Variants in AUTS2 observed in about 807,000 individuals in gnomAD.
AUTS2 encodes the protein autism susceptibility gene 2 protein.
Under a neutral mutation model 112.4 loss-of-function variants are expected in AUTS2, and 17 were observed. That is an observed-to-expected ratio of 0.15 (90% CI 0.10 to 0.23). AUTS2 has a LOEUF of 0.23. AUTS2 is among the 10% of genes least tolerant of loss of function. The probability of loss-of-function intolerance (pLI) is 1.00; values close to 1 mark genes in which losing one functional copy is unlikely to be tolerated. For missense variants in AUTS2, 1,510 were observed against 1,701.6 expected (o/e 0.89, Z 1.98); for synonymous variants, 751 against 702.7 (o/e 1.07, Z -1.09).
intron 1 of AUTS2, among the ~76,000 whole-genome samples, chr7:69,728,743 A>G (rs1212900493): frequency 6.8e-6 from 1 of 147,332 alleles, no homozygotes; most frequent in African/African-American, 2.5e-5. Flanking sequence ...GGTTGGAACT[A>G]GTCAGCTGAG....
chr7:70,365,046 GC>G (rs1792503341), intron 4 of AUTS2, among the ~76,000 whole-genome samples: 1 of 152,082 alleles, frequency 6.6e-6, no homozygotes, highest in Admixed American at 6.5e-5. Flanking sequence ...TACTGGGAAA[GC>G]CTATTAACAA....
chr7:70,741,400 G>C (rs1482034965), intron 6 of AUTS2, among the ~76,000 whole-genome samples: 1 of 151,912 alleles, frequency 6.6e-6, no homozygotes, highest in Non-Finnish European at 1.5e-5. Context: ...AAATGGTTAA[G>C]AAATAAATAG....
chr7:70,168,981 G>A (rs1376028547), intron 4 of AUTS2, among the ~76,000 whole-genome samples: 1 of 152,036 alleles, frequency 6.6e-6, no homozygotes, highest in African/African-American at 2.4e-5. Context: ...TGCAGTCCTG[G>A]TAAGCTGTTG....
intron 5 of AUTS2, among the ~76,000 whole-genome samples, chr7:70,517,252 G>A (rs1022076051): frequency 2.6e-5 from 4 of 152,158 alleles, no homozygotes; most frequent in African/African-American, 7.2e-5. Context: ...CAACACTGGG[G>A]AGGTTCTCAA....
chr7:70,163,064 G>A (rs771699903), intron 4 of AUTS2, among the ~76,000 whole-genome samples: 23 of 152,020 alleles, frequency 1.5e-4, no homozygotes, highest in Non-Finnish European at 2.6e-4. Context: ...TCTTGTGACA[G>A]GGAGGGCTGG....
chr7:70,231,834 C>T (rs1313716312), intron 4 of AUTS2, among the ~76,000 whole-genome samples: 3 of 151,564 alleles, frequency 2.0e-5, no homozygotes, highest in Non-Finnish European at 2.9e-5. Context: ...AGTGCAGTGG[C>T]GCGATCTTGG....
At chr7:70,337,970 A>C (rs1791071848) in intron 4 of AUTS2, among the ~76,000 whole-genome samples, 1 of 152,216 alleles carries the variant, frequency 6.6e-6, no homozygotes, top group Middle Eastern at 3.2e-3. Flanking sequence ...TTTAAATACT[A>C]ATTTTACAAA....
intron 1 of AUTS2, among the ~76,000 whole-genome samples, chr7:69,651,910 T>A (rs1402423763): frequency 6.6e-6 from 1 of 152,216 alleles, no homozygotes; most frequent in Non-Finnish European, 1.5e-5. Flanking sequence ...AAGGTTAGTA[T>A]ATATTTGGTC....
chr7:70,554,904 G>C (rs1801184518), intron 5 of AUTS2, among the ~76,000 whole-genome samples: 1 of 152,226 alleles, frequency 6.6e-6, no homozygotes, highest in Non-Finnish European at 1.5e-5. Context: ...TGCCAAGGAG[G>C]CCTGGGTTGA....
chr7:69,690,451 C>T (rs2129178108), intron 1 of AUTS2, among the ~76,000 whole-genome samples: 1 of 152,318 alleles, frequency 6.6e-6, no homozygotes, highest in African/African-American at 2.4e-5. Context: ...TCAGGTTTTG[C>T]TGCCGGCCTG....
chr7:69,902,646 T>A (rs1167548766), intron 2 of AUTS2, among the ~76,000 whole-genome samples: 5 of 152,186 alleles, frequency 3.3e-5, no homozygotes, highest in Non-Finnish European at 5.9e-5. Context: ...TAGGATTTTT[T>A]TTTCTGAGAC....
intron 5 of AUTS2, among the ~76,000 whole-genome samples, chr7:70,495,132 T>C (rs912360263): frequency 6.6e-6 from 1 of 150,446 alleles, no homozygotes; most frequent in Non-Finnish European, 1.5e-5. Flanking sequence ...GTGCCGACCC[T>C]AGTAACAAAA....
At chr7:70,381,020 A>T (rs1008918646) in intron 4 of AUTS2, among the ~76,000 whole-genome samples, 1 of 152,278 alleles carries the variant, frequency 6.6e-6, no homozygotes. Context: ...GGTCAGATTC[A>T]TGATTTCATT....
intron 6 of AUTS2, among the ~76,000 whole-genome samples, chr7:70,726,439 A>G (rs1442097780): frequency 2.0e-5 from 3 of 152,286 alleles, no homozygotes; most frequent in African/African-American, 7.2e-5. Context: ...CAGACATCCT[A>G]TTGTCGTATA....
chr7:69,601,844 A>G (rs936397122), intron 1 of AUTS2, among the ~76,000 whole-genome samples: 5 of 151,982 alleles, frequency 3.3e-5, no homozygotes, highest in African/African-American at 9.7e-5. Context: ...CTATTAGAAC[A>G]TGCTGCTTGG....
In AUTS2 at chr7:70,790,655, G is replaced by A. The variant is rs747086851; in HGVS notation, c.3439G>A (p.Gly1147Ser). The change falls in exon 19 of 19, where the codon GGC (glycine) becomes AGC (serine). Residue 1147 changes from glycine to serine, a missense_variant. Transcript: ENST00000342771. This position sits in a 1 kb window ranked among gnomAD's most constrained non-coding sequence, Gnocchi z 7.6. ...VDPRREHERG[G>S]HLDERERLHM... is the part of the protein sequence containing the mutation. The stretch of plus-strand genomic sequence containing the variant: ...CCCTCGGCGGGAGCACGAGCGGGGA[G>A]GCCACCTGGACGAGCGGGAGCGCTT... 1.3e-5 allele frequency: 21 copies of A among 1,613,164 alleles called. No individual in the cohort carries two copies. Among genetic ancestry groups the A allele is most frequent in the Non-Finnish European group, 1.8e-5 (21 of 1,179,792 alleles).
At position 69,909,118 on chromosome 7, in the gene AUTS2, G is replaced by A. The variant is rs191219257; in HGVS notation, c.522+9620G>A. ...AAAACTTGGGAAGAATCATAAAATTGTAACAACATATCTTGCGGAAATTAA... is the reference window on the plus strand; with the variant it reads ...AAAACTTGGGAAGAATCATAAAATTATAACAACATATCTTGCGGAAATTAA... On this transcript the variant is annotated intron_variant, in intron 2 of 18. Transcript: ENST00000342771. Among the ~76,000 whole-genome samples the A allele has an allele frequency of 6.4e-4, 97 of 152,266 alleles. 1 individual carries two copies. In the East Asian group the frequency reaches 0.016, roughly 24 times the overall value.
At chr7:70,373,381 T>C (rs1268575408) in intron 4 of AUTS2, among the ~76,000 whole-genome samples, 1 of 152,168 alleles carries the variant, frequency 6.6e-6, no homozygotes, top group Non-Finnish European at 1.5e-5. Flanking sequence ...TTTCTGAAAA[T>C]GTGTGGATAT....
intron 1 of AUTS2, among the ~76,000 whole-genome samples, chr7:69,671,069 T>A (rs1177145029): frequency 6.6e-6 from 1 of 152,216 alleles, no homozygotes; most frequent in Non-Finnish European, 1.5e-5. Context: ...GTTCTTTTGC[T>A]GGCAAAGTAT....
Sources: gnomAD v4.1 joint callset for allele counts (sites outside exome capture counted in the v4.1 genomes callset) on GRCh38, gnomAD v4.1.1 for gene constraint, Gnocchi (gnomAD v3.1) non-coding constraint, MANE v1.5 for transcripts, NCBI Gene and HGNC (gene_info 2026-07-23, HGNC 2026-07-21) for gene names.